Variants in NKAIN2 observed in about 807,000 individuals in gnomAD.
The protein encoded by NKAIN2 is sodium/potassium-transporting ATPase subunit beta-1-interacting protein 2.
In NKAIN2, 14 loss-of-function variants were observed where a neutral mutation model predicts 32.6. That is an observed-to-expected ratio of 0.43 (90% CI 0.28 to 0.67). The LOEUF (loss-of-function observed/expected upper bound fraction) is 0.67, where lower values mean the gene tolerates loss of function less well. Ranked by LOEUF, NKAIN2 falls within the 30% of genes least tolerant of loss-of-function variation. The pLI is 0.17. For missense variants in NKAIN2, 198 were observed against 258.3 expected, an observed-to-expected ratio of 0.77 and a Z score of 1.60; for synonymous variants, 80 against 87.2, an observed-to-expected ratio of 0.92 and a Z score of 0.46.
intron 2 of NKAIN2, among the ~76,000 whole-genome samples, chr6:124,330,905 C>G (rs34432872): frequency 6.6e-6 from 1 of 151,834 alleles, no homozygotes; most frequent in Admixed American, 6.5e-5. Context: ...ATCTAGGTTG[C>G]GTGCTCCTTA....
rs535726638 is a variant in NKAIN2, at chr6:124,736,427, AT to A, written c.475-54906del. 3.4e-3 allele frequency among the ~76,000 whole-genome samples: 518 copies of A among 152,066 alleles called. 5 individuals are homozygous for A. Among genetic ancestry groups the A allele is most frequent in the African/African-American group, 0.012 (491 of 41,536 alleles). ...TGAAGGTGGCTACCCTAAACAACAG[AT>A]TTTTTAATTAGATACAACAGCTTTA... On this transcript the variant is annotated intron_variant, in intron 4 of 6. Coordinates refer to ENST00000368417, the MANE Select transcript of NKAIN2 (RefSeq NM_001040214.3).
intron 4 of NKAIN2, among the ~76,000 whole-genome samples, chr6:124,677,987 A>AT (rs1773442959): frequency 2.0e-5 from 3 of 151,282 alleles, no homozygotes; most frequent in Admixed American, 1.3e-4. Context: ...CAGATTTAGC[A>AT]TTTTTTGCTG....
chr6:124,508,336 T>G (rs1277667794), intron 3 of NKAIN2, among the ~76,000 whole-genome samples: 2 of 82,718 alleles, frequency 2.4e-5, no homozygotes, highest in African/African-American at 6.3e-5. Context: ...TGTATTAGTC[T>G]TTTTTTTTTC....
chr6:124,299,170 A>C (rs544646751), intron 2 of NKAIN2, among the ~76,000 whole-genome samples: 1 of 152,324 alleles, frequency 6.6e-6, no homozygotes, highest in East Asian at 1.9e-4. Context: ...GAAGAGAAAG[A>C]AGCAGCAGCC....
At chr6:124,306,541 A>G (rs1796510534) in intron 2 of NKAIN2, among the ~76,000 whole-genome samples, 2 of 152,184 alleles carry the variant, frequency 1.3e-5, no homozygotes, top group South Asian at 2.1e-4. Context: ...AAAATCTGTC[A>G]TGACTCAGTA....
rs147348503 is a variant in NKAIN2 at position 123,949,311 on chromosome 6, A to G, written c.54+145057A>G. Among the ~76,000 whole-genome samples the G allele has an allele frequency of 5.9e-5, 9 of 152,026 alleles. No homozygotes were observed. In the East Asian group the frequency reaches 1.7e-3, roughly 29 times the overall value. The stretch of plus-strand genomic sequence containing the variant: ...GTCTTTTTGGTTTCATATGAATAGT[A>G]GTAGTATTTTTTCTATGTCTGTGAA... On this transcript the variant is annotated intron_variant, in intron 1 of 6. Transcript: ENST00000368417.
At chr6:124,535,081 A>G (rs2114830803) in intron 3 of NKAIN2, among the ~76,000 whole-genome samples, 1 of 152,370 alleles carries the variant, frequency 6.6e-6, no homozygotes, top group Non-Finnish European at 1.5e-5. Context: ...AATGGCAAGA[A>G]AAAGTCTGTG....
At chr6:124,169,055 T>A (rs1788713436) in intron 1 of NKAIN2, among the ~76,000 whole-genome samples, 3 of 152,140 alleles carry the variant, frequency 2.0e-5, no homozygotes. Flanking sequence ...GTTCAATATG[T>A]GCTTTAATAT....
At chr6:123,979,710 C>T (rs1778805618) in intron 1 of NKAIN2, among the ~76,000 whole-genome samples, 2 of 152,120 alleles carry the variant, frequency 1.3e-5, no homozygotes, top group East Asian at 1.9e-4. Context: ...CTAATTGCCT[C>T]ATGCCTTTTA....
intron 6 of NKAIN2, chr6:124,819,080 GT>G: frequency 2.2e-6 from 2 of 892,866 alleles, no homozygotes; most frequent in Non-Finnish European, 2.7e-6. Context: ...TTATATCTGT[GT>G]TTAGGCAAAT....
At chr6:124,404,340 A>G (rs1773754536) in intron 3 of NKAIN2, among the ~76,000 whole-genome samples, 1 of 152,112 alleles carries the variant, frequency 6.6e-6, no homozygotes, top group African/African-American at 2.4e-5. Context: ...CTTTTTGTTG[A>G]TTCCTGAGCA....
chr6:124,422,468 T>G (rs1304579680), intron 3 of NKAIN2, among the ~76,000 whole-genome samples: 1 of 152,220 alleles, frequency 6.6e-6, no homozygotes, highest in Non-Finnish European at 1.5e-5. Context: ...TCCTATTATC[T>G]TTGTTCAAAT....
intron 3 of NKAIN2, among the ~76,000 whole-genome samples, chr6:124,399,784 T>C (rs1773549994): frequency 6.6e-6 from 1 of 152,172 alleles, no homozygotes; most frequent in South Asian, 2.1e-4. Context: ...TTTATAAAAA[T>C]TGTTCCTGAC....
At chr6:124,049,409 A>G (rs1451713674) in intron 1 of NKAIN2, among the ~76,000 whole-genome samples, 1 of 151,980 alleles carries the variant, frequency 6.6e-6, no homozygotes, top group East Asian at 1.9e-4. Flanking sequence ...GATCTCTTCC[A>G]GATGTTTAGA....
chr6:123,817,442 T>G (rs1284936916), intron 1 of NKAIN2, among the ~76,000 whole-genome samples: 1 of 152,122 alleles, frequency 6.6e-6, no homozygotes, highest in East Asian at 1.9e-4. Flanking sequence ...GAAAGAGCAC[T>G]TAGAAATAAC....
intron 1 of NKAIN2, among the ~76,000 whole-genome samples, chr6:123,992,638 A>C (rs1687204915): frequency 6.6e-6 from 1 of 152,218 alleles, no homozygotes; most frequent in Admixed American, 6.5e-5. Flanking sequence ...TAAACCTATA[A>C]AAAGGTACAT....
intron 1 of NKAIN2, among the ~76,000 whole-genome samples, chr6:123,990,130 C>T (rs1406401422): frequency 6.6e-6 from 1 of 152,124 alleles, no homozygotes; most frequent in South Asian, 2.1e-4. Context: ...ACCATCGGAT[C>T]TTGTGAGACT....
At chr6:124,331,410 T>A (rs974492863) in intron 2 of NKAIN2, among the ~76,000 whole-genome samples, 7 of 128,698 alleles carry the variant, frequency 5.4e-5, no homozygotes, top group African/African-American at 2.1e-4. Flanking sequence ...ATGCCTGTAG[T>A]CCCAACTACA....
At chr6:124,471,174 A>C (rs1776957645) in intron 3 of NKAIN2, among the ~76,000 whole-genome samples, 1 of 152,162 alleles carries the variant, frequency 6.6e-6, no homozygotes, top group African/African-American at 2.4e-5. Context: ...CCTCTGCTAA[A>C]TGTTGGTTGA....
Sources: gnomAD v4.1 joint callset for allele counts (sites outside exome capture counted in the v4.1 genomes callset) on GRCh38, gnomAD v4.1.1 for gene constraint, MANE v1.5 for transcripts, NCBI Gene and HGNC (gene_info 2026-07-23, HGNC 2026-07-21) for gene names.